Variants in AUTS2 observed in about 807,000 individuals in gnomAD.
The protein encoded by AUTS2 is autism susceptibility gene 2 protein.
Under a neutral mutation model 112.4 loss-of-function variants are expected in AUTS2, and 17 were observed. The observed-to-expected ratio is 0.15, with a 90% CI of 0.10 to 0.23. AUTS2 has a LOEUF of 0.23. Ranked by LOEUF, AUTS2 falls within the 10% of genes least tolerant of loss-of-function variation. The pLI, the probability that AUTS2 is intolerant of heterozygous loss-of-function variation, is 1.00. For missense variants in AUTS2, 1,510 were observed against 1,701.6 expected (o/e 0.89, Z 1.98); for synonymous variants, 751 against 702.7 (o/e 1.07, Z -1.09).
intron 2 of AUTS2, among the ~76,000 whole-genome samples, chr7:70,025,373 C>T (rs1800467557): frequency 6.6e-6 from 1 of 152,012 alleles, no homozygotes; most frequent in Non-Finnish European, 1.5e-5. Context: ...TCTAATATTC[C>T]CCCATCACTG....
chr7:70,430,982 C>G, intron 4 of AUTS2, among the ~76,000 whole-genome samples: 1 of 151,890 alleles, frequency 6.6e-6, no homozygotes, highest in East Asian at 1.9e-4. Context: ...ACTACAGGCG[C>G]CCGCCAGCAC....
chr7:70,024,292 A>G (rs1438333045), intron 2 of AUTS2, among the ~76,000 whole-genome samples: 1 of 152,234 alleles, frequency 6.6e-6, no homozygotes, highest in Non-Finnish European at 1.5e-5. Flanking sequence ...ACAAGCAGGT[A>G]CTGGGTGGCA....
intron 4 of AUTS2, among the ~76,000 whole-genome samples, chr7:70,158,799 T>C (rs919489666): frequency 6.6e-6 from 1 of 152,112 alleles, no homozygotes; most frequent in Non-Finnish European, 1.5e-5. Context: ...TATTTCTTTG[T>C]GATTTAGCTG....
intron 1 of AUTS2, among the ~76,000 whole-genome samples, chr7:69,837,959 C>CT (rs1258332397): frequency 2.0e-5 from 3 of 152,120 alleles, no homozygotes; most frequent in Non-Finnish European, 4.4e-5. Flanking sequence ...AGGCTCTGGA[C>CT]TAGATGTTCT....
At chr7:70,392,014 T>G (rs1425357327) in intron 4 of AUTS2, among the ~76,000 whole-genome samples, 1 of 152,220 alleles carries the variant, frequency 6.6e-6, no homozygotes, top group Admixed American at 6.5e-5. Flanking sequence ...ACTTCTCCAG[T>G]GAAGTTTCCC....
At chr7:70,167,074 A>G (rs1808421164) in intron 4 of AUTS2, among the ~76,000 whole-genome samples, 2 of 152,146 alleles carry the variant, frequency 1.3e-5, no homozygotes, top group South Asian at 2.1e-4. Context: ...GAAAGTATAA[A>G]AATTAGCCAG....
At chr7:70,359,855 T>C (rs1294084671) in intron 4 of AUTS2, among the ~76,000 whole-genome samples, 1 of 152,232 alleles carries the variant, frequency 6.6e-6, no homozygotes, top group Non-Finnish European at 1.5e-5. Flanking sequence ...ATGTGTTTTC[T>C]ATTGTGCTGC....
intron 2 of AUTS2, among the ~76,000 whole-genome samples, chr7:70,063,092 C>T (rs1802327093): frequency 6.6e-6 from 1 of 152,094 alleles, no homozygotes; most frequent in Admixed American, 6.6e-5. Context: ...AACCAGTCCC[C>T]TTTCCCAACA....
intron 1 of AUTS2, among the ~76,000 whole-genome samples, chr7:69,817,672 G>GT (rs1790821536): frequency 6.6e-6 from 1 of 152,112 alleles, no homozygotes; most frequent in South Asian, 2.1e-4. Flanking sequence ...TGGATTATGA[G>GT]TAGCAGAAGC....
At chr7:70,354,223 A>G (rs1250246434) in intron 4 of AUTS2, among the ~76,000 whole-genome samples, 1 of 152,264 alleles carries the variant, frequency 6.6e-6, no homozygotes, top group Non-Finnish European at 1.5e-5. Context: ...TGACAGGGCC[A>G]AGTCTTCAAG....
At chr7:70,017,023 T>A (rs1343611967) in intron 2 of AUTS2, among the ~76,000 whole-genome samples, 1 of 152,174 alleles carries the variant, frequency 6.6e-6, no homozygotes, top group Non-Finnish European at 1.5e-5. Flanking sequence ...CAAGTAAATA[T>A]ACTACTACTG....
intron 1 of AUTS2, among the ~76,000 whole-genome samples, chr7:69,728,104 T>G (rs1786606001): frequency 6.6e-6 from 1 of 152,136 alleles, no homozygotes; most frequent in Non-Finnish European, 1.5e-5. Context: ...GGAGCTGATG[T>G]GGGCCCCTAC....
intron 2 of AUTS2, among the ~76,000 whole-genome samples, chr7:69,946,312 T>TA (rs1416175216): frequency 6.6e-6 from 1 of 152,102 alleles, no homozygotes; most frequent in Non-Finnish European, 1.5e-5. Flanking sequence ...ATCGTGTTGA[T>TA]AGGAATATAA....
At chr7:70,086,462 T>A (rs1402516381) in intron 2 of AUTS2, among the ~76,000 whole-genome samples, 2 of 152,026 alleles carry the variant, frequency 1.3e-5, no homozygotes, top group Admixed American at 6.6e-5. Context: ...GCCAACATGC[T>A]GAAACCCAGC....
intron 7 of AUTS2, among the ~76,000 whole-genome samples, chr7:70,764,300 T>C (rs1328801045): frequency 6.6e-6 from 1 of 152,092 alleles, no homozygotes; most frequent in Non-Finnish European, 1.5e-5. Flanking sequence ...GGGTTTCACC[T>C]CTTCTTTGTG....
intron 4 of AUTS2, among the ~76,000 whole-genome samples, chr7:70,233,878 C>G (rs1290355299): frequency 1.3e-5 from 2 of 152,204 alleles, no homozygotes; most frequent in African/African-American, 4.8e-5. Context: ...ACTGGCTTTA[C>G]CGCAAGGGTT....
chr7:70,130,676 G>T (rs1258288219), intron 3 of AUTS2, among the ~76,000 whole-genome samples: 1 of 147,306 alleles, frequency 6.8e-6, no homozygotes, highest in Non-Finnish European at 1.5e-5. Flanking sequence ...TGGAGCAGTG[G>T]TCAAATATGA....
At chr7:70,618,958 G>A (rs1804525925) in intron 5 of AUTS2, among the ~76,000 whole-genome samples, 1 of 152,152 alleles carries the variant, frequency 6.6e-6, no homozygotes, top group Admixed American at 6.5e-5. Flanking sequence ...ACATCTCACA[G>A]TTAGATCAGA....
intron 5 of AUTS2, among the ~76,000 whole-genome samples, chr7:70,496,644 AC>A (rs1798533115): frequency 7.5e-6 from 1 of 132,474 alleles, no homozygotes; most frequent in Non-Finnish European, 1.6e-5. Context: ...CACACACCCC[AC>A]ACATGCACAC....
Sources: gnomAD v4.1 joint callset for allele counts (sites outside exome capture counted in the v4.1 genomes callset) on GRCh38, gnomAD v4.1.1 for gene constraint, MANE v1.5 for transcripts, NCBI Gene and HGNC (gene_info 2026-07-23, HGNC 2026-07-21) for gene names.